The following ANKFN1 variants were observed in gnomAD, a reference collection of about 807,000 sequenced individuals.
ANKFN1 encodes the protein ankyrin repeat and fibronectin type-III domain-containing protein 1.
Under a neutral mutation model 108.7 loss-of-function variants are expected in ANKFN1, and 74 were observed. The ratio of observed to expected loss-of-function variants is 0.68; its 90% CI spans 0.56 to 0.83. The LOEUF is 0.83. ANKFN1 is among the 40% of genes least tolerant of loss of function. ANKFN1 has a pLI of 0.00. For synonymous variants in ANKFN1, 547 were observed against 516.2 expected (o/e 1.06, Z -0.81); for missense variants, 1,505 against 1,382.3 (o/e 1.09, Z -1.41).
chr17:56,071,658 C>A (rs1286214549), intron 4 of ANKFN1, among the ~76,000 whole-genome samples: 1 of 152,140 alleles, frequency 6.6e-6, no homozygotes, highest in Non-Finnish European at 1.5e-5. Flanking sequence ...AAAAGGATAT[C>A]TATTACAACA....
intron 8 of ANKFN1, among the ~76,000 whole-genome samples, chr17:56,401,102 T>C (rs1194879856): frequency 6.6e-6 from 1 of 152,112 alleles, no homozygotes; most frequent in Non-Finnish European, 1.5e-5. Flanking sequence ...ATTTTATAAT[T>C]GCTTTTTCTA....
Position 56,494,394 on chromosome 17 carries a change from C to T in ANKFN1, c.2427+2041C>T, listed in dbSNP as rs144108780. On this transcript the variant is annotated intron_variant, in intron 19 of 20. Coordinates refer to ENST00000682825, the MANE Select transcript of ANKFN1 (RefSeq NM_001370326.1). Reference sequence around the variant, plus strand: ...GGAAGAGTGTAGCATGAGGAGAATACGAAAGACTGGCTCATTTTTGAACCC... The same window carrying T: ...GGAAGAGTGTAGCATGAGGAGAATATGAAAGACTGGCTCATTTTTGAACCC... Among the ~76,000 whole-genome samples, 577 of 152,000 alleles carry T rather than the reference C, an allele frequency of 3.8e-3. 3 individuals are homozygous for T. The highest frequency in any genetic ancestry group is 0.013 in the African/African-American group (545 of 41,456).
chr17:56,368,951 C>A (rs1598471102), intron 6 of ANKFN1, among the ~76,000 whole-genome samples: 2 of 152,300 alleles, frequency 1.3e-5, no homozygotes, highest in African/African-American at 4.8e-5. Flanking sequence ...CTTGTGGCAA[C>A]AGATAAGTTT....
intron 1 of ANKFN1, among the ~76,000 whole-genome samples, chr17:56,190,529 G>A (rs1912802777): frequency 7.0e-6 from 1 of 143,174 alleles, no homozygotes; most frequent in Non-Finnish European, 1.5e-5. Context: ...GGCTTTGAGT[G>A]AGATTCTTAA....
chr17:56,224,073 G>A (rs1916072842), intron 2 of ANKFN1, among the ~76,000 whole-genome samples: 1 of 152,206 alleles, frequency 6.6e-6, no homozygotes, highest in African/African-American at 2.4e-5. Context: ...CCCCCAGAGT[G>A]GGGGTCATGG....
intron 20 of ANKFN1, among the ~76,000 whole-genome samples, chr17:56,505,899 G>T (rs1448572628): frequency 2.0e-5 from 3 of 152,160 alleles, no homozygotes; most frequent in Non-Finnish European, 1.5e-5. Context: ...GACAGATTTT[G>T]CAAAGTGCTT....
At chr17:56,435,577 G>A (rs182852573) in intron 8 of ANKFN1, among the ~76,000 whole-genome samples, 27 of 152,234 alleles carry the variant, frequency 1.8e-4, no homozygotes, top group Admixed American at 1.4e-3. Flanking sequence ...GGGTCTAAGG[G>A]CAAGTGACTG....
At chr17:56,049,380 G>C (rs568855376) in intron 4 of ANKFN1, among the ~76,000 whole-genome samples, 1 of 130,732 alleles carries the variant, frequency 7.6e-6, no homozygotes, top group Non-Finnish European at 1.7e-5. Flanking sequence ...ATATAGAAGC[G>C]GGTTTGATAA....
At chr17:56,212,353 A>G (rs545996723) in intron 1 of ANKFN1, among the ~76,000 whole-genome samples, 1 of 152,044 alleles carries the variant, frequency 6.6e-6, no homozygotes, top group Non-Finnish European at 1.5e-5. Flanking sequence ...ATTGACTTGC[A>G]GATGTGAAAC....
At chr17:56,408,021 G>A (rs1293108536) in intron 8 of ANKFN1, among the ~76,000 whole-genome samples, 2 of 130,578 alleles carry the variant, frequency 1.5e-5, no homozygotes, top group African/African-American at 2.8e-5. Flanking sequence ...TGCAACCTCC[G>A]CCTCCCGGGT....
chr17:56,168,130 G>T (rs1256014504), intron 1 of ANKFN1, among the ~76,000 whole-genome samples: 1 of 152,110 alleles, frequency 6.6e-6, no homozygotes, highest in Non-Finnish European at 1.5e-5. Flanking sequence ...AGCCAGGCAT[G>T]GTGGTGCATG....
At chr17:56,306,063 C>G (rs1037543333) in intron 3 of ANKFN1, among the ~76,000 whole-genome samples, 9 of 152,222 alleles carry the variant, frequency 5.9e-5, no homozygotes, top group African/African-American at 2.4e-5. Context: ...TATAGATACA[C>G]AGTAACTCTT....
intron 3 of ANKFN1, among the ~76,000 whole-genome samples, chr17:56,260,508 G>T (rs538774094): frequency 1.3e-5 from 2 of 152,166 alleles, no homozygotes; most frequent in South Asian, 4.1e-4. Flanking sequence ...TTAAAAGGAG[G>T]CCATACTTCT....
intron 8 of ANKFN1, among the ~76,000 whole-genome samples, chr17:56,429,979 T>C (rs772668075): frequency 1.8e-4 from 28 of 152,222 alleles, no homozygotes; most frequent in Non-Finnish European, 3.8e-4. Context: ...TTGAAATTAT[T>C]CTGGAGGACC....
chr17:56,248,852 T>G (rs936842197), intron 3 of ANKFN1, among the ~76,000 whole-genome samples: 6 of 152,026 alleles, frequency 3.9e-5, no homozygotes, highest in Non-Finnish European at 8.8e-5. Context: ...CCAGGAAACA[T>G]GAGTAAGAGA....
At chr17:56,052,224 A>G (rs1297667226) in intron 4 of ANKFN1, among the ~76,000 whole-genome samples, 1 of 152,186 alleles carries the variant, frequency 6.6e-6, no homozygotes, top group African/African-American at 2.4e-5. Flanking sequence ...AAACAGAGAT[A>G]TAGATAAATG....
chr17:56,153,117 T>G (rs1598147506), upstream of ANKFN1, among the ~76,000 whole-genome samples: 1 of 152,182 alleles, frequency 6.6e-6, no homozygotes, highest in Admixed American at 6.5e-5. Context: ...TCACTCTCTC[T>G]TTCCTTCCCA....
chr17:56,367,006 C>A (rs184000842), intron 6 of ANKFN1, among the ~76,000 whole-genome samples: 1 of 152,266 alleles, frequency 6.6e-6, no homozygotes. Flanking sequence ...GGGGAGGTAA[C>A]TGAGGTTGGT....
chr17:56,159,993 A>G (rs1215908587), intron 1 of ANKFN1, among the ~76,000 whole-genome samples: 12 of 152,290 alleles, frequency 7.9e-5, no homozygotes, highest in African/African-American at 2.4e-5. Flanking sequence ...GGGGTGGGCC[A>G]TCTGGTGTTA....
Sources: allele counts gnomAD v4.1 joint callset (sites outside exome capture counted in the v4.1 genomes callset), GRCh38; gene constraint gnomAD v4.1.1; transcripts MANE v1.5; gene names NCBI Gene and HGNC (gene_info 2026-07-23, HGNC 2026-07-21).